The following FRK variants were observed in gnomAD, a reference collection of about 807,000 sequenced individuals.
The protein encoded by FRK is fyn related Src family tyrosine kinase.
In FRK, 51 loss-of-function variants were observed where a neutral mutation model predicts 56.4. The ratio of observed to expected loss-of-function variants is 0.90; its 90% confidence interval spans 0.72 to 1.14. The LOEUF is 1.14. FRK is among the 50% of genes most tolerant of loss of function. The probability of loss-of-function intolerance (pLI) is 0.00; values close to 1 mark genes in which losing one functional copy is unlikely to be tolerated. For synonymous variants in FRK, 245 were observed against 217.9 expected, an observed-to-expected ratio of 1.12 and a Z score of -1.10; for missense variants, 570 against 601.4, an observed-to-expected ratio of 0.95 and a Z score of 0.55.
the FRK span, among the ~76,000 whole-genome samples, chr6:116,079,537 C>T: frequency 6.6e-6 from 1 of 151,888 alleles, no homozygotes; most frequent in Non-Finnish European, 1.5e-5. Context: ...AACTTAATTT[C>T]ATTGTAGGTA....
chr6:116,015,975 C>T (rs1362694935), intron 1 of FRK, among the ~76,000 whole-genome samples: 1 of 152,106 alleles, frequency 6.6e-6, no homozygotes, highest in Non-Finnish European at 1.5e-5. Context: ...AAATTTGCAG[C>T]CTGATCATGT....
At chr6:116,039,355 G>A in intron 1 of FRK, 3 of 1,457,030 alleles carry the variant, frequency 2.1e-6, no homozygotes, top group Non-Finnish European at 2.9e-6. Flanking sequence ...GTGGCTCAGA[G>A]CACCCGTATC....
intron 2 of FRK, among the ~76,000 whole-genome samples, chr6:115,975,515 T>C (rs2114621791): frequency 6.6e-6 from 1 of 152,314 alleles, no homozygotes; most frequent in Middle Eastern, 3.4e-3. Context: ...TAATGAAGGT[T>C]GAATTCAGGT....
intron 2 of FRK, among the ~76,000 whole-genome samples, chr6:115,989,049 T>A (rs772702133): frequency 6.6e-6 from 1 of 151,886 alleles, no homozygotes; most frequent in Admixed American, 6.6e-5. Flanking sequence ...GATCATTATG[T>A]CTACATGATA....
chr6:116,091,278 A>G, the FRK span, among the ~76,000 whole-genome samples: 4 of 152,206 alleles, frequency 2.6e-5, no homozygotes, highest in Non-Finnish European at 5.9e-5. Flanking sequence ...AGGATTGTAA[A>G]TGCACTATCA....
At chr6:116,084,021 T>C in the FRK span, among the ~76,000 whole-genome samples, 1 of 152,088 alleles carries the variant, frequency 6.6e-6, no homozygotes, top group Non-Finnish European at 1.5e-5. Flanking sequence ...GGTCAATATC[T>C]GAGAGTGAAG....
intron 2 of FRK, among the ~76,000 whole-genome samples, chr6:115,970,921 A>G (rs568597860): frequency 6.6e-6 from 1 of 152,218 alleles, no homozygotes; most frequent in Non-Finnish European, 1.5e-5. Flanking sequence ...GACTGTCTCT[A>G]AAATAAGTAA....
intron 2 of FRK, among the ~76,000 whole-genome samples, chr6:116,000,677 C>A (rs1430765091): frequency 2.6e-5 from 4 of 152,134 alleles, no homozygotes; most frequent in Non-Finnish European, 4.4e-5. Flanking sequence ...ACAAGGAATT[C>A]TCTTATAACT....
the FRK span, among the ~76,000 whole-genome samples, chr6:116,098,872 G>A: frequency 1.3e-5 from 2 of 152,320 alleles, no homozygotes; most frequent in South Asian, 4.1e-4. Flanking sequence ...TATATTTCTG[G>A]AAGAGTCAGA....
At chr6:115,998,869 C>T (rs1467798068) in intron 2 of FRK, among the ~76,000 whole-genome samples, 3 of 152,156 alleles carry the variant, frequency 2.0e-5, no homozygotes, top group African/African-American at 7.2e-5. Flanking sequence ...AGTCACTTTT[C>T]AATTATCTTC....
At chr6:116,070,516 C>T in the FRK span, among the ~76,000 whole-genome samples, 1 of 152,140 alleles carries the variant, frequency 6.6e-6, no homozygotes. Context: ...AATCATATAA[C>T]CTGAACCATG....
the FRK span, among the ~76,000 whole-genome samples, chr6:116,089,511 A>T: frequency 3.3e-5 from 5 of 152,208 alleles, no homozygotes; most frequent in Non-Finnish European, 7.3e-5. Context: ...ACAGTTCTGG[A>T]GGCTGGAAGT....
intron 2 of FRK, among the ~76,000 whole-genome samples, chr6:115,973,191 G>T (rs1012530600): frequency 6.6e-6 from 1 of 152,202 alleles, no homozygotes; most frequent in African/African-American, 2.4e-5. Flanking sequence ...TCTTAGGCCA[G>T]TGTTAATTGC....
chr6:116,010,238 A>T (rs373859562), intron 1 of FRK, among the ~76,000 whole-genome samples: 2 of 152,218 alleles, frequency 1.3e-5, no homozygotes, highest in East Asian at 3.9e-4. Context: ...TTCACAAACT[A>T]AAAATTATAT....
intron 2 of FRK, among the ~76,000 whole-genome samples, chr6:115,977,511 T>A (rs1425331285): frequency 6.6e-6 from 1 of 152,146 alleles, no homozygotes; most frequent in African/African-American, 2.4e-5. Flanking sequence ...CTGAATTAGA[T>A]CATGATCCAT....
chr6:116,005,345 C>T (rs1016672668), intron 1 of FRK, among the ~76,000 whole-genome samples: 2 of 152,152 alleles, frequency 1.3e-5, no homozygotes, highest in African/African-American at 4.8e-5. Flanking sequence ...GAGCTCTGCT[C>T]GATGTCAGTC....
chr6:116,086,490 T>C, the FRK span, among the ~76,000 whole-genome samples: 5 of 152,342 alleles, frequency 3.3e-5, no homozygotes, highest in African/African-American at 7.2e-5. Context: ...TAATTATTTA[T>C]ATAGTCTGCC....
chr6:116,058,160 G>A (rs1777466785), intron 1 of FRK, among the ~76,000 whole-genome samples: 3 of 152,028 alleles, frequency 2.0e-5, no homozygotes, highest in Admixed American at 6.6e-5. Context: ...TACATGTTAT[G>A]CCAAATATAA....
chr6:115,935,296 G>A lies in FRK; in HGVS notation c.*7118C>T, dbSNP rs1175338821. The stretch of plus-strand genomic sequence containing the variant: ...GGAAGCCATGAGGGACTGTACCTGA[G>A]GAACGGTGCACTCCAGCCCAGATAC... On this transcript the variant is annotated 3_prime_UTR_variant, in exon 8 of 8. Coordinates refer to ENST00000606080, the MANE Select transcript of FRK (RefSeq NM_002031.3). 6.6e-6 allele frequency: 1 copy of A among 152,354 alleles called. No homozygotes were observed. The highest frequency in any genetic ancestry group is 1.5e-5 in the Non-Finnish European group (1 of 68,158). The allele number at this position is 152,354 out of a possible 1,614,324, so 9.4% of individuals were successfully genotyped here.
Sources: allele counts gnomAD v4.1 joint callset (sites outside exome capture counted in the v4.1 genomes callset), GRCh38; gene constraint gnomAD v4.1.1; transcripts MANE v1.5; gene names NCBI Gene and HGNC (gene_info 2026-07-23, HGNC 2026-07-21).